The following DIPK1A variants were observed in gnomAD, a reference collection of about 807,000 sequenced individuals.
DIPK1A encodes the protein family with sequence similarity 69 member A.
DIPK1A carries 27 observed loss-of-function variants against 40.8 expected under a neutral mutation model. That is an observed-to-expected ratio of 0.66 (90% CI 0.49 to 0.91). The LOEUF is 0.91. Ranked by LOEUF, DIPK1A falls within the 40% of genes least tolerant of loss-of-function variation. DIPK1A has a pLI of 0.00. For missense variants in DIPK1A, 412 were observed against 505.7 expected, an observed-to-expected ratio of 0.81 and a Z score of 1.78; for synonymous variants, 166 against 171.3, an observed-to-expected ratio of 0.97 and a Z score of 0.24.
rs1243998352 is a variant in DIPK1A at position 92,959,902 on chromosome 1, ACTTTTT to A, written c.54+1468_54+1473del. Among the ~76,000 whole-genome samples, 26 of 43,104 alleles carry A rather than the reference ACTTTTT, an allele frequency of 6.0e-4. 3 individuals carry two copies. The highest frequency in any genetic ancestry group is 4.0e-3 in the Admixed American group (15 of 3,744). 28.3% of individuals were successfully genotyped at this position (43,104 alleles called of 152,430 possible). A position where few individuals can be genotyped will look rare whatever the true frequency, so the allele number is the denominator to read the frequency against. ...AGCTGGGACCACAGGCACCCAACCA[ACTTTTT>A]TTTTTTTTTTTTTTTTTTTGTATTT... On this transcript the variant is annotated intron_variant, in intron 1 of 4. Transcript: ENST00000370310.
At chr1:92,875,216 C>T (rs930649702) in intron 2 of DIPK1A, among the ~76,000 whole-genome samples, 1 of 152,120 alleles carries the variant, frequency 6.6e-6, no homozygotes, top group African/African-American at 2.4e-5. Context: ...ACTGTAATTA[C>T]TCATTTTCTT....
intron 1 of DIPK1A, among the ~76,000 whole-genome samples, chr1:92,956,734 A>G (rs148459377): frequency 2.2e-4 from 34 of 152,326 alleles, no homozygotes; most frequent in African/African-American, 7.5e-4. Flanking sequence ...AAATTGTACT[A>G]ATACGAGCCA....
intron 1 of DIPK1A, among the ~76,000 whole-genome samples, chr1:92,895,439 T>C (rs1649116723): frequency 6.6e-6 from 1 of 152,032 alleles, no homozygotes; most frequent in South Asian, 2.1e-4. Context: ...AAAAGGCCTT[T>C]GACAAAATTC....
At chr1:92,934,434 T>G (rs1650873372) in intron 1 of DIPK1A, among the ~76,000 whole-genome samples, 1 of 152,212 alleles carries the variant, frequency 6.6e-6, no homozygotes, top group Non-Finnish European at 1.5e-5. Flanking sequence ...ATAAAAGTTT[T>G]TTTTTCTTAA....
At chr1:92,940,112 C>T (rs1651096844) in intron 1 of DIPK1A, among the ~76,000 whole-genome samples, 1 of 152,118 alleles carries the variant, frequency 6.6e-6, no homozygotes, top group Non-Finnish European at 1.5e-5. Flanking sequence ...TAGAGATTTT[C>T]CATACATGGG....
At chr1:92,908,405 G>T (rs1220845045) in intron 1 of DIPK1A, among the ~76,000 whole-genome samples, 2 of 152,218 alleles carry the variant, frequency 1.3e-5, no homozygotes, top group African/African-American at 4.8e-5. Flanking sequence ...AAGAAAACGA[G>T]AATGTTGTAA....
chr1:92,958,092 T>C (rs1651921783), intron 1 of DIPK1A, among the ~76,000 whole-genome samples: 1 of 152,238 alleles, frequency 6.6e-6, no homozygotes, highest in African/African-American at 2.4e-5. Context: ...TGTATGCATA[T>C]ACCACACAAG....
intron 1 of DIPK1A, among the ~76,000 whole-genome samples, chr1:92,957,139 C>T (rs1443856655): frequency 5.3e-5 from 8 of 152,180 alleles, no homozygotes; most frequent in Non-Finnish European, 1.0e-4. Flanking sequence ...TATAGGGTTG[C>T]TGTGTTATCA....
Position 92,876,356 on chromosome 1 carries a change from T to C in DIPK1A, c.129A>G (p.Ile43Met), listed in dbSNP as rs1293947807. 2.5e-6 allele frequency: 4 copies of C among 1,609,904 alleles called. No individual in the cohort carries two copies. Among genetic ancestry groups the C allele is most frequent in the East Asian group, 4.5e-5 (2 of 44,822 alleles). Reference sequence around the variant, plus strand: ...CTGTATAGGTAGAATACTGCACATATATAATCCAGCTTCCAACAAAAACCA... The same window carrying C: ...CTGTATAGGTAGAATACTGCACATACATAATCCAGCTTCCAACAAAAACCA... Reference protein sequence around the residue: ...WLVVFVGSWIIYVQYSTYTEL... With the variant: ...WLVVFVGSWIMYVQYSTYTEL... Residue 43 changes from isoleucine (I) to methionine (M), a missense_variant, in exon 2 of 5, where the codon ATA becomes ATG. By Grantham distance (10) the Ile-to-Met change is conservative. Coordinates refer to ENST00000370310, the MANE Select transcript of DIPK1A (RefSeq NM_001006605.5).
intron 4 of DIPK1A, among the ~76,000 whole-genome samples, chr1:92,844,464 C>CTTAGATAACTAA (rs1687508334): frequency 6.6e-6 from 1 of 152,110 alleles, no homozygotes; most frequent in South Asian, 2.1e-4. Flanking sequence ...CCCTTCAGGC[C>CTTAGATAACTAA]CCTTAGATAG....
chr1:92,911,865 G>A (rs1472217802), intron 1 of DIPK1A, among the ~76,000 whole-genome samples: 2 of 151,892 alleles, frequency 1.3e-5, no homozygotes, highest in Non-Finnish European at 2.9e-5. Flanking sequence ...TTAGCTGGGT[G>A]TGGTGGCAGG....
chr1:92,927,376 T>G (rs1049455902), intron 1 of DIPK1A, among the ~76,000 whole-genome samples: 13 of 148,470 alleles, frequency 8.8e-5, no homozygotes, highest in African/African-American at 2.0e-4. Flanking sequence ...TTTTTTTTTT[T>G]TTTTTTTTTT....
intron 1 of DIPK1A, among the ~76,000 whole-genome samples, chr1:92,911,061 C>CT (rs1342353452): frequency 6.6e-6 from 1 of 152,168 alleles, no homozygotes; most frequent in Non-Finnish European, 1.5e-5. Context: ...AATATGTAAA[C>CT]TTTGAGACTG....
At chr1:92,845,047 C>G (rs915488483) in intron 4 of DIPK1A, among the ~76,000 whole-genome samples, 23 of 149,196 alleles carry the variant, frequency 1.5e-4, no homozygotes, top group Non-Finnish European at 1.0e-4. Flanking sequence ...CAGGTTCACG[C>G]CATTCTCCTG....
chr1:92,842,175 C>T lies in DIPK1A; in HGVS notation c.*1208G>A, dbSNP rs575981973. 3.3e-5 allele frequency: 34 copies of T among 1,028,766 alleles called. No individual in the cohort carries two copies. Among genetic ancestry groups the T allele is most frequent in the Admixed American group, 5.5e-5 (1 of 18,282 alleles). 63.7% of individuals were successfully genotyped at this position (1,028,766 alleles called of 1,614,324 possible). A position where few individuals can be genotyped will look rare whatever the true frequency, so the allele number is the denominator to read the frequency against. ...CAACCATCAGTGGGAAATATTTCTT[C>T]CATCCATTTATTATAACCAGATGAT... On this transcript the variant is annotated 3_prime_UTR_variant, in exon 5 of 5. Transcript: ENST00000370310.
At chr1:92,846,792 CATATATATATATATATATATATATAT>C (rs1180062565) in intron 4 of DIPK1A, among the ~76,000 whole-genome samples, 5 of 16,034 alleles carry the variant, frequency 3.1e-4, no homozygotes, top group African/African-American at 4.2e-4. Flanking sequence ...CCACTCCTGG[CATATATATATATATATATATATATAT>C]ATATATATAT....
At chr1:92,880,073 A>G (rs1056645744) in intron 1 of DIPK1A, among the ~76,000 whole-genome samples, 6 of 152,216 alleles carry the variant, frequency 3.9e-5, no homozygotes, top group African/African-American at 1.4e-4. Context: ...TGGTTTCCCA[A>G]CTGGAGGCTG....
At chr1:92,860,644 A>AGCC (rs1647218111) in intron 2 of DIPK1A, among the ~76,000 whole-genome samples, 2 of 7,906 alleles carry the variant, frequency 2.5e-4, no homozygotes, top group Non-Finnish European at 6.4e-4. Flanking sequence ...AAAAAAAAAA[A>AGCC]AATGGTGGTG....
chr1:92,926,738 T>C (rs978949941), intron 1 of DIPK1A, among the ~76,000 whole-genome samples: 1 of 152,228 alleles, frequency 6.6e-6, no homozygotes, highest in Non-Finnish European at 1.5e-5. Context: ...ATTGAGTTTT[T>C]AAAATTATAA....
Sources: allele counts gnomAD v4.1 joint callset (sites outside exome capture counted in the v4.1 genomes callset), GRCh38; gene constraint gnomAD v4.1.1; transcripts MANE v1.5; gene names NCBI Gene and HGNC (gene_info 2026-07-23, HGNC 2026-07-21).